NRXN1: variants seen among roughly 807,000 people sequenced by gnomAD.
The protein encoded by NRXN1 is neurexin-1.
NRXN1 carries 39 observed loss-of-function variants against 150.9 expected under a neutral mutation model. That is an observed-to-expected ratio of 0.26 (90% CI 0.20 to 0.34). NRXN1 has a LOEUF of 0.34. NRXN1 is among the 10% of genes least tolerant of loss of function. The probability of loss-of-function intolerance (pLI) is 1.00; values close to 1 mark genes in which losing one functional copy is unlikely to be tolerated. For missense variants in NRXN1, 1,815 were observed against 1,949.9 expected (o/e 0.93, Z 1.30); for synonymous variants, 924 against 757.0 (o/e 1.22, Z -3.62).
chr2:51,002,177 T>C (rs1046172974), intron 2 of NRXN1, among the ~76,000 whole-genome samples: 2 of 152,056 alleles, frequency 1.3e-5, no homozygotes, highest in African/African-American at 4.8e-5. Flanking sequence ...AAATACCTTG[T>C]ATGCTTTTCT....
At chr2:50,466,854 T>C (rs1357480406) in intron 16 of NRXN1, among the ~76,000 whole-genome samples, 1 of 151,842 alleles carries the variant, frequency 6.6e-6, no homozygotes, top group Non-Finnish European at 1.5e-5. Context: ...CCATTCATCA[T>C]GTGCAGATAC....
intron 5 of NRXN1, among the ~76,000 whole-genome samples, chr2:50,754,684 A>G (rs1036461696): frequency 9.2e-5 from 14 of 151,878 alleles, no homozygotes; most frequent in Admixed American, 2.6e-4. Flanking sequence ...CCAGCTTTCC[A>G]AAAACTGAAA....
chr2:50,864,094 A>C (rs1676526456), intron 5 of NRXN1, among the ~76,000 whole-genome samples: 1 of 152,030 alleles, frequency 6.6e-6, no homozygotes, highest in Non-Finnish European at 1.5e-5. Flanking sequence ...ATTTACACAC[A>C]AAAGGTCTTA....
intron 9 of NRXN1, among the ~76,000 whole-genome samples, chr2:50,539,795 A>G (rs542657769): frequency 5.3e-4 from 80 of 152,334 alleles, no homozygotes; most frequent in Middle Eastern, 6.8e-3. Context: ...ATAGAACCTC[A>G]GGTATTTAGG....
intron 5 of NRXN1, chr2:50,656,472 T>C: frequency 2.8e-6 from 2 of 727,264 alleles, no homozygotes; most frequent in Admixed American, 3.9e-5. Flanking sequence ...GTTTTTGCTC[T>C]GTTTAAACAT....
At chr2:50,150,504 A>C (rs1457744183) in intron 18 of NRXN1, among the ~76,000 whole-genome samples, 1 of 151,800 alleles carries the variant, frequency 6.6e-6, no homozygotes, top group Non-Finnish European at 1.5e-5. Flanking sequence ...TGTTCTCCTA[A>C]AGAAGCAAAA....
intron 5 of NRXN1, among the ~76,000 whole-genome samples, chr2:50,672,851 T>G (rs1278224206): frequency 1.8e-4 from 27 of 152,080 alleles, no homozygotes; most frequent in Admixed American, 1.8e-3. Context: ...GAAACATTAG[T>G]TATTAAATCA....
intron 5 of NRXN1, among the ~76,000 whole-genome samples, chr2:50,869,100 T>C (rs1199270190): frequency 6.6e-6 from 1 of 151,808 alleles, no homozygotes; most frequent in African/African-American, 2.4e-5. Flanking sequence ...CTCCCTTTTT[T>C]AAATTCATGT....
intron 21 of NRXN1, among the ~76,000 whole-genome samples, chr2:49,993,375 G>A (rs1682351158): frequency 6.6e-6 from 1 of 152,282 alleles, no homozygotes; most frequent in Non-Finnish European, 1.5e-5. Flanking sequence ...TACAGAGACA[G>A]TACAAAGTTC....
intron 12 of NRXN1, among the ~76,000 whole-genome samples, chr2:50,520,312 G>A (rs2092750653): frequency 6.6e-6 from 1 of 151,698 alleles, no homozygotes; most frequent in Admixed American, 6.6e-5. Context: ...AATTTAAAAT[G>A]TACATGATGT....
At chr2:51,002,351 G>A (rs1360336492) in intron 2 of NRXN1, among the ~76,000 whole-genome samples, 2 of 152,050 alleles carry the variant, frequency 1.3e-5, no homozygotes, top group Non-Finnish European at 2.9e-5. Context: ...AAAATGTTGT[G>A]TTTCTAGGAA....
At chr2:50,787,742 C>G (rs1705336448) in intron 5 of NRXN1, among the ~76,000 whole-genome samples, 1 of 150,556 alleles carries the variant, frequency 6.6e-6, no homozygotes, top group East Asian at 2.0e-4. Flanking sequence ...GGCTTTATAA[C>G]AACCCTGAAA....
chr2:50,789,863 A>G (rs931879327), intron 5 of NRXN1, among the ~76,000 whole-genome samples: 1 of 152,158 alleles, frequency 6.6e-6, no homozygotes, highest in Non-Finnish European at 1.5e-5. Context: ...TCATTTTTAA[A>G]CCTTAAATTC....
chr2:50,357,638 T>C (rs1430957088), intron 17 of NRXN1, among the ~76,000 whole-genome samples: 2 of 152,126 alleles, frequency 1.3e-5, no homozygotes, highest in Non-Finnish European at 2.9e-5. Context: ...GCTATTCTCA[T>C]ATTGAAGGGA....
At chr2:50,735,379 C>T (rs755097153) in intron 5 of NRXN1, among the ~76,000 whole-genome samples, 4 of 151,582 alleles carry the variant, frequency 2.6e-5, no homozygotes, top group Non-Finnish European at 5.9e-5. Context: ...ATGAAACGTA[C>T]CAAGAACACA....
At chr2:50,710,111 G>A (rs530302607) in intron 5 of NRXN1, among the ~76,000 whole-genome samples, 504 of 152,138 alleles carry the variant, frequency 3.3e-3, no homozygotes, top group Non-Finnish European at 5.2e-3. Context: ...AAAATTGTTC[G>A]CTTGCAACTT....
chr2:50,253,581 G>A (rs2067380145), intron 17 of NRXN1, among the ~76,000 whole-genome samples: 1 of 152,092 alleles, frequency 6.6e-6, no homozygotes, highest in East Asian at 1.9e-4. Context: ...TTTGAGATAT[G>A]TTACATTAAC....
intron 8 of NRXN1, among the ~76,000 whole-genome samples, chr2:50,600,164 T>C (rs1359939573): frequency 6.6e-6 from 1 of 152,100 alleles, no homozygotes; most frequent in African/African-American, 2.4e-5. Flanking sequence ...AGAATAAGGA[T>C]GCACATAATG....
At chr2:50,684,519 A>G (rs1005474421) in intron 5 of NRXN1, among the ~76,000 whole-genome samples, 1 of 152,156 alleles carries the variant, frequency 6.6e-6, no homozygotes, top group Admixed American at 6.6e-5. Flanking sequence ...GGAAAATACA[A>G]TAAATTTAAA....
Sources: gnomAD v4.1 joint callset for allele counts (sites outside exome capture counted in the v4.1 genomes callset) on GRCh38, gnomAD v4.1.1 for gene constraint, MANE v1.5 for transcripts, NCBI Gene and HGNC (gene_info 2026-07-23, HGNC 2026-07-21) for gene names.